Variants in ZNF439 observed in about 807,000 individuals in gnomAD.
ZNF439 encodes zinc finger protein 439.
Under a neutral mutation model 47.3 loss-of-function variants are expected in ZNF439, and 40 were observed. The ratio of observed to expected loss-of-function variants is 0.85; its 90% confidence interval spans 0.66 to 1.10. The LOEUF (loss-of-function observed/expected upper bound fraction) is 1.10, where lower values mean the gene tolerates loss of function less well. Ranked by LOEUF, ZNF439 falls within the 50% of genes least tolerant of loss-of-function variation. The probability of loss-of-function intolerance (pLI) is 0.00; values close to 1 mark genes in which losing one functional copy is unlikely to be tolerated. For missense variants in ZNF439, 556 were observed against 601.1 expected (o/e 0.93, Z 0.78); for synonymous variants, 171 against 198.8 (o/e 0.86, Z 1.18).
chr19:11,855,609 C>A (rs565884436), intron 1 of ZNF439, among the ~76,000 whole-genome samples: 1 of 152,098 alleles, frequency 6.6e-6, no homozygotes, highest in East Asian at 1.9e-4. Flanking sequence ...CTGGAGCCCA[C>A]GGTCCCTGAT....
intron 2 of ZNF439, 73 bp from the exon 3 acceptor site, chr19:11,866,464 A>G: frequency 6.2e-7 from 1 of 1,601,800 alleles, no homozygotes; most frequent in Non-Finnish European, 8.5e-7. Context: ...GCTGTAAATC[A>G]TGGGCATAGG....
Position 11,848,726 on chromosome 19 carries a change from A to AC in ZNF439, c.-141dup, listed in dbSNP as rs1427140646. 1.8e-6 allele frequency: 2 copies of AC among 1,123,512 alleles called. No individual in the cohort carries two copies. The highest frequency in any genetic ancestry group is 2.3e-6 in the Non-Finnish European group (2 of 875,246). 69.6% of individuals were successfully genotyped at this position (1,123,512 alleles called of 1,614,324 possible). A position where few individuals can be genotyped will look rare whatever the true frequency, so the allele number is the denominator to read the frequency against. On this transcript the variant is annotated 5_prime_UTR_variant, in exon 1 of 4. Coordinates refer to ENST00000682736, the MANE Select transcript of ZNF439 (RefSeq NM_001348719.2). ...GAGGCACTGGCTCGGGGCCCTGCCC[A>AC]CTGTGCATCCAGGCACGGAGGATGT...
At chr19:11,865,325 A>G (rs775434669) in intron 1 of ZNF439, among the ~76,000 whole-genome samples, 2 of 151,596 alleles carry the variant, frequency 1.3e-5, no homozygotes, top group Non-Finnish European at 2.9e-5. Flanking sequence ...TGCCCTTCTT[A>G]TCAGCATCTA....
At chr19:11,849,683 C>CTT (rs1976179910) in intron 1 of ZNF439, 1 of 152,120 alleles carries the variant, frequency 6.6e-6, no homozygotes, top group Non-Finnish European at 1.5e-5. Flanking sequence ...GAGTGTGAAG[C>CTT]TTTGTCTAAA....
chr19:11,868,645 A>G lies in ZNF439; in HGVS notation c.*76A>G. 1 of 1,477,034 alleles carries G rather than the reference A, an allele frequency of 6.8e-7. No homozygotes were observed. Among genetic ancestry groups the G allele is most frequent in the South Asian group, 1.2e-5 (1 of 81,300 alleles). 91.5% of individuals were successfully genotyped at this position (1,477,034 alleles called of 1,614,324 possible). A position where few individuals can be genotyped will look rare whatever the true frequency, so the allele number is the denominator to read the frequency against. The stretch of plus-strand genomic sequence containing the variant: ...ATGAAAAAATTCACACTGGAGAGAA[A>G]CCCTATAAATGCAAGCAATGTGGTA... On this transcript the variant is annotated 3_prime_UTR_variant, in exon 4 of 4. Coordinates refer to ENST00000682736, the MANE Select transcript of ZNF439 (RefSeq NM_001348719.2).
At position 11,863,043 on chromosome 19, in the gene ZNF439, CA is replaced by C. The variant is rs554246999; in HGVS notation, c.64-3161del. Among the ~76,000 whole-genome samples, 780 of 152,166 alleles carry C rather than the reference CA, an allele frequency of 5.1e-3. 9 individuals are homozygous for C. The highest frequency in any genetic ancestry group is 0.018 in the African/African-American group (748 of 41,504). On this transcript the variant is annotated intron_variant, in intron 1 of 3. Coordinates refer to ENST00000682736, the MANE Select transcript of ZNF439 (RefSeq NM_001348719.2). ...GATTATAGACATGAGCCATCGTGCC[CA>C]GCCTGTTTTCATTTGCTCTTTAATA...
intron 1 of ZNF439, chr19:11,851,258 A>G (rs1301277515): frequency 6.6e-6 from 1 of 152,206 alleles, no homozygotes; most frequent in African/African-American, 2.4e-5. Flanking sequence ...AGCTGTGCCT[A>G]CCTGCATGTG....
At chr19:11,867,272 A>G in intron 3 of ZNF439, 34 bp from the exon 4 acceptor site, 1 of 1,588,426 alleles carries the variant, frequency 6.3e-7, no homozygotes, top group Non-Finnish European at 8.5e-7. Flanking sequence ...ACTTATAAAC[A>G]AACTCTTCAT....
chr19:11,856,687 A>G (rs1168031900), intron 1 of ZNF439: 1 of 152,266 alleles, frequency 6.6e-6, no homozygotes, highest in African/African-American at 2.4e-5. Flanking sequence ...CCATAGTTCG[A>G]GCCTGGCTGT....
At chr19:11,863,350 G>A (rs994159672) in intron 1 of ZNF439, among the ~76,000 whole-genome samples, 8 of 151,572 alleles carry the variant, frequency 5.3e-5, no homozygotes, top group Middle Eastern at 3.4e-3. Context: ...TAGTAGAGGC[G>A]GGGTTTCACC....
chr19:11,866,560 A>G lies in ZNF439; in HGVS notation c.214A>G (p.Ile72Val), dbSNP rs759172611. The G allele has an allele frequency of 1.2e-6, 2 of 1,613,552 alleles. No homozygotes were observed. Among genetic ancestry groups the G allele is most frequent in the Non-Finnish European group, 1.7e-6 (2 of 1,179,718 alleles). Reference protein sequence around the residue: ...SIGKKWKDQNIEYEYQNPRRN... With the variant: ...SIGKKWKDQNVEYEYQNPRRN... ...AGGAAAAAAGTGGAAAGACCAGAAC[A>G]TTGAATATGAGTACCAAAACCCCAG... Residue 72 changes from isoleucine (I) to valine (V), a missense_variant, in exon 3 of 4, where the codon ATT becomes GTT. Coordinates refer to ENST00000682736, the MANE Select transcript of ZNF439 (RefSeq NM_001348719.2).
chr19:11,868,956 C>T lies in ZNF439; in HGVS notation c.*387C>T. 3.6e-6 allele frequency: 1 copy of T among 278,934 alleles called. No individual in the cohort carries two copies. The allele number at this position is 278,934 out of a possible 1,614,324, so 17.3% of individuals were successfully genotyped here. Reference sequence around the variant, plus strand: ...TCTGCCAAGATCGTTTGAATACATGCAAAACACACACTGGAGAGAAACCTA... The same window carrying T: ...TCTGCCAAGATCGTTTGAATACATGTAAAACACACACTGGAGAGAAACCTA... On this transcript the variant is annotated 3_prime_UTR_variant, in exon 4 of 4. Coordinates refer to ENST00000682736, the MANE Select transcript of ZNF439 (RefSeq NM_001348719.2).
At chr19:11,849,001 T>C in intron 1 of ZNF439, 71 bp downstream of exon 1, 9 of 1,430,496 alleles carry the variant, frequency 6.3e-6, no homozygotes, top group Non-Finnish European at 8.4e-6. Flanking sequence ...CGGGCCTCCC[T>C]GTGGGCGACT....
chr19:11,860,541 C>T (rs1268202491), intron 1 of ZNF439, among the ~76,000 whole-genome samples: 1 of 152,086 alleles, frequency 6.6e-6, no homozygotes, highest in Non-Finnish European at 1.5e-5. Context: ...ATCCTCAAGT[C>T]CCTGTTCACG....
At chr19:11,867,179 C>T (rs1481020108) in intron 3 of ZNF439, 127 bp from the exon 4 acceptor site, 14 of 1,160,032 alleles carry the variant, frequency 1.2e-5, no homozygotes, top group Non-Finnish European at 1.7e-5. Flanking sequence ...CACCTTCAAA[C>T]AATTCAGACA....
chr19:11,855,818 G>A (rs1976369923), intron 1 of ZNF439, among the ~76,000 whole-genome samples: 1 of 152,190 alleles, frequency 6.6e-6, no homozygotes, highest in Non-Finnish European at 1.5e-5. Context: ...CTTCTTGCAT[G>A]GTTTTCTTGA....
intron 1 of ZNF439, among the ~76,000 whole-genome samples, chr19:11,859,312 C>A (rs1203168115): frequency 6.6e-6 from 1 of 152,204 alleles, no homozygotes; most frequent in Non-Finnish European, 1.5e-5. Flanking sequence ...TGCTTATAAG[C>A]AGCGTCTGGG....
chr19:11,858,565 T>G (rs185337629), intron 1 of ZNF439, among the ~76,000 whole-genome samples: 321 of 152,248 alleles, frequency 2.1e-3, no homozygotes, highest in Middle Eastern at 3.4e-3. Flanking sequence ...CCCATCAGTT[T>G]AATTTGTGCA....
intron 1 of ZNF439, among the ~76,000 whole-genome samples, chr19:11,855,239 A>G (rs1976353408): frequency 6.6e-6 from 1 of 152,184 alleles, no homozygotes; most frequent in Admixed American, 6.5e-5. Context: ...GTTGACCTTT[A>G]GGTCCCCAAT....
Sources: gnomAD v4.1 joint callset for allele counts (sites outside exome capture counted in the v4.1 genomes callset) on GRCh38, gnomAD v4.1.1 for gene constraint, MANE v1.5 for transcripts, NCBI Gene and HGNC (gene_info 2026-07-23, HGNC 2026-07-21) for gene names.